LDLRAD4: variants seen among roughly 807,000 people sequenced by gnomAD.
The protein encoded by LDLRAD4 is low-density lipoprotein receptor class A domain-containing protein 4.
A neutral mutation model predicts 17.0 loss-of-function variants in LDLRAD4; 5 were observed. That is an observed-to-expected ratio of 0.29 (90% CI 0.15 to 0.62). The LOEUF is 0.62. Among genes scored for constraint, LDLRAD4 ranks in the 20% least tolerant of loss-of-function variants. The probability of loss-of-function intolerance (pLI) is 0.84; values close to 1 mark genes in which losing one functional copy is unlikely to be tolerated. For missense variants in LDLRAD4, 340 were observed against 424.7 expected, an observed-to-expected ratio of 0.80 and a Z score of 1.75; for synonymous variants, 168 against 171.8, an observed-to-expected ratio of 0.98 and a Z score of 0.17.
chr18:13,648,239 G>A (rs2043090944), exon 6 of LDLRAD4: 1 of 152,216 alleles, frequency 6.6e-6, no homozygotes. Flanking sequence ...GTATATGAAT[G>A]TGTTGCACAT....
At chr18:13,325,515 C>A (rs779110646) in intron 1 of LDLRAD4, among the ~76,000 whole-genome samples, 2 of 152,160 alleles carry the variant, frequency 1.3e-5, no homozygotes, top group Non-Finnish European at 2.9e-5. Context: ...ACTTGCAGTC[C>A]GCCCACCCCC....
At chr18:13,592,284 G>A (rs1210603011) in intron 3 of LDLRAD4, among the ~76,000 whole-genome samples, 2 of 152,144 alleles carry the variant, frequency 1.3e-5, no homozygotes, top group Non-Finnish European at 2.9e-5. Flanking sequence ...AAATACACAC[G>A]TATTGTAATG....
At chr18:13,336,001 T>G (rs2082083568) in intron 1 of LDLRAD4, among the ~76,000 whole-genome samples, 1 of 152,206 alleles carries the variant, frequency 6.6e-6, no homozygotes, top group South Asian at 2.1e-4. Flanking sequence ...CAGCATCTGC[T>G]TCTGGTGAGG....
chr18:13,633,966 C>T (rs2041884708), intron 4 of LDLRAD4, among the ~76,000 whole-genome samples: 1 of 152,170 alleles, frequency 6.6e-6, no homozygotes, highest in South Asian at 2.1e-4. Context: ...AGCAGCTGCT[C>T]CAGATGGGCC....
At chr18:13,402,815 C>T (rs968977627) in intron 2 of LDLRAD4, among the ~76,000 whole-genome samples, 7 of 152,218 alleles carry the variant, frequency 4.6e-5, no homozygotes, top group Middle Eastern at 3.4e-3. Context: ...AGTTTTGTCT[C>T]GAGATTTTAT....
intron 1 of LDLRAD4, among the ~76,000 whole-genome samples, chr18:13,263,346 G>C (rs1268684634): frequency 6.6e-6 from 1 of 152,114 alleles, no homozygotes; most frequent in Non-Finnish European, 1.5e-5. Flanking sequence ...GTGGCTCTGT[G>C]TGTGGAGACT....
intron 1 of LDLRAD4, among the ~76,000 whole-genome samples, chr18:13,260,449 T>C (rs1426655309): frequency 3.3e-5 from 5 of 152,224 alleles, no homozygotes; most frequent in Non-Finnish European, 5.9e-5. Flanking sequence ...TGTATTAGGG[T>C]GCTTTGCAAA....
chr18:13,472,850 T>C (rs908608100), intron 3 of LDLRAD4: 3 of 152,252 alleles, frequency 2.0e-5, no homozygotes, highest in Non-Finnish European at 2.9e-5. Context: ...CGAGCACATC[T>C]GAGCAAACAC....
intron 1 of LDLRAD4, among the ~76,000 whole-genome samples, chr18:13,363,137 T>G (rs1245479696): frequency 6.6e-6 from 1 of 151,854 alleles, no homozygotes; most frequent in Non-Finnish European, 1.5e-5. Flanking sequence ...GAGACCATCC[T>G]GGCTACCACG....
At chr18:13,576,775 G>A (rs1400140282) in intron 3 of LDLRAD4, among the ~76,000 whole-genome samples, 1 of 152,214 alleles carries the variant, frequency 6.6e-6, no homozygotes, top group African/African-American at 2.4e-5. Flanking sequence ...GCTGTAGCAG[G>A]GGGATGTCCG....
At chr18:13,324,141 ATT>A (rs59296910) in intron 1 of LDLRAD4, among the ~76,000 whole-genome samples, 32 of 145,356 alleles carry the variant, frequency 2.2e-4, no homozygotes, top group East Asian at 8.2e-4. Context: ...TCAAGTGTCT[ATT>A]TTTTTTTTTT....
intron 3 of LDLRAD4, chr18:13,521,691 GTCA>G (rs1283835921): frequency 6.6e-6 from 1 of 151,960 alleles, no homozygotes; most frequent in Admixed American, 6.6e-5. Flanking sequence ...GTGACGAGGA[GTCA>G]TCTGAGCTTT....
intron 3 of LDLRAD4, among the ~76,000 whole-genome samples, chr18:13,605,655 A>AGGAC (rs1415137971): frequency 1.8e-4 from 28 of 152,216 alleles, no homozygotes; most frequent in Admixed American, 1.8e-3. Context: ...GGACAGCAGG[A>AGGAC]AGCACCTGCC....
chr18:13,436,623 A>AAT (rs2090675356), intron 2 of LDLRAD4, among the ~76,000 whole-genome samples: 1 of 152,236 alleles, frequency 6.6e-6, no homozygotes, highest in South Asian at 2.1e-4. Context: ...AAGGAAGATA[A>AAT]ATTTTTCCCT....
intron 3 of LDLRAD4, among the ~76,000 whole-genome samples, chr18:13,565,485 C>T (rs1342594536): frequency 6.6e-6 from 1 of 152,226 alleles, no homozygotes; most frequent in Non-Finnish European, 1.5e-5. Context: ...GCCAGGGTGG[C>T]GGGGATAACA....
intron 2 of LDLRAD4, 26 bp from the exon 4 acceptor site, chr18:13,438,218 C>T (rs889280358): frequency 2.5e-6 from 4 of 1,611,170 alleles, no homozygotes; most frequent in Non-Finnish European, 3.4e-6. Context: ...ATTGACTGCT[C>T]CATGCTTTAT....
intron 3 of LDLRAD4, among the ~76,000 whole-genome samples, chr18:13,557,169 A>T (rs574815085): frequency 3.9e-5 from 6 of 152,290 alleles, no homozygotes; most frequent in South Asian, 2.1e-4. Flanking sequence ...ATCATGGCAC[A>T]TGCCCATAGT....
chr18:13,574,544 G>A (rs1018846924), intron 3 of LDLRAD4, among the ~76,000 whole-genome samples: 1 of 152,156 alleles, frequency 6.6e-6, no homozygotes, highest in African/African-American at 2.4e-5. Context: ...TGTGCGGCAG[G>A]ACCATGGCCG....
At position 13,645,004 on chromosome 18, in the gene LDLRAD4, TCCTGGGAGATGG is replaced by T; in HGVS notation, c.391-122_391-111del. The T allele has an allele frequency of 1.4e-6, 1 of 730,420 alleles. No individual in the cohort carries two copies. The highest frequency in any genetic ancestry group is 1.9e-5 in the African/African-American group (1 of 53,308). 45.2% of individuals were successfully genotyped at this position (730,420 alleles called of 1,614,324 possible). ...GATTTTCCTGTTTTCTTTTTTTTTT[TCCTGGGAGATGG>T]TGTTCAAACTGGTAGGAACACACAC... is the stretch of plus-strand genomic sequence containing the variant. On this transcript the variant is annotated intron_variant, in intron 5 of 5. Transcript: ENST00000359446. This position sits in a 1 kb window ranked among gnomAD's most constrained non-coding sequence, Gnocchi z 5.7.
Sources: gnomAD v4.1 joint callset for allele counts (sites outside exome capture counted in the v4.1 genomes callset) on GRCh38, gnomAD v4.1.1 for gene constraint, Gnocchi (gnomAD v3.1) non-coding constraint, MANE v1.5 for transcripts, NCBI Gene and HGNC (gene_info 2026-07-23, HGNC 2026-07-21) for gene names.